The following KMT2A variants were observed in gnomAD, a reference collection of about 807,000 sequenced individuals.
KMT2A encodes histone-lysine N-methyltransferase 2A.
KMT2A carries 16 observed loss-of-function variants against 345.3 expected under a neutral mutation model. The ratio of observed to expected loss-of-function variants is 0.05; its 90% confidence interval spans 0.03 to 0.07. KMT2A has a LOEUF of 0.07. KMT2A is among the 10% of genes least tolerant of loss of function. The pLI is 1.00. For missense variants in KMT2A, 3,272 were observed against 4,841.6 expected, an observed-to-expected ratio of 0.68 and a Z score of 9.62; for synonymous variants, 1,599 against 1,778.6, an observed-to-expected ratio of 0.90 and a Z score of 2.54.
chr11:118,477,145 G>A (rs1326454130), intron 4 of KMT2A, among the ~76,000 whole-genome samples, 163 bp downstream of exon 4: 2 of 152,220 alleles, frequency 1.3e-5, no homozygotes, highest in East Asian at 1.9e-4. Flanking sequence ...AAATGCCTGA[G>A]AAGGAAAACG....
At position 118,481,860 on chromosome 11, in the gene KMT2A, G is replaced by A. The variant is rs782534802; in HGVS notation, c.3780G>A (p.Glu1260=). 1 of 1,614,054 alleles carries A rather than the reference G, an allele frequency of 6.2e-7. No individual in the cohort carries two copies. Among genetic ancestry groups the A allele is most frequent in the African/African-American group, 1.3e-5 (1 of 74,916 alleles). The change falls in exon 7 of 36, where the codon GAG becomes GAA. Residue 1260 remains glutamate (E), a synonymous_variant. Transcript: ENST00000534358. ...CTGCCCCAAAGAAAAGCAGTAGTGA[G>A]CCTCCTCCACGAAAGCCCGTCGAGG... is the stretch of plus-strand genomic sequence containing the variant. The part of the protein sequence containing the change: ...EDPAPKKSSS[E]PPPRKPVEEK...
At position 118,490,084 on chromosome 11, in the gene KMT2A, T is replaced by C. The variant is rs782014615; in HGVS notation, c.4576-45T>C. 18 of 1,577,256 alleles carry C rather than the reference T, an allele frequency of 1.1e-5. No individual in the cohort carries two copies. In the East Asian group the frequency reaches 3.8e-4, roughly 34 times the overall value. ...AGATCTTTTTAGTTAAGTAAAGATA[T>C]TAAAAACAAGAAATTCCTATTGAAT... On this transcript the variant is annotated intron_variant, in intron 12 of 35. Coordinates refer to ENST00000534358, the MANE Select transcript of KMT2A (RefSeq NM_001197104.2). The surrounding 1 kb of genome is among the most constrained non-coding windows in gnomAD (Gnocchi z 4.2).
intron 31 of KMT2A, among the ~76,000 whole-genome samples, chr11:118,515,447 G>A (rs868996101): frequency 2.6e-5 from 4 of 152,186 alleles, no homozygotes; most frequent in East Asian, 3.8e-4. Context: ...AGGGACAGAC[G>A]TGTCAGGATT....
At chr11:118,454,648 C>T (rs1403419852) in intron 1 of KMT2A, among the ~76,000 whole-genome samples, 1 of 152,164 alleles carries the variant, frequency 6.6e-6, no homozygotes, top group South Asian at 2.1e-4. Flanking sequence ...GTCAAAGATA[C>T]GTTTAATACA....
intron 1 of KMT2A, among the ~76,000 whole-genome samples, chr11:118,442,181 T>A (rs1334691944): frequency 6.6e-6 from 1 of 152,230 alleles, no homozygotes; most frequent in African/African-American, 2.4e-5. Flanking sequence ...ATATCTTGTC[T>A]CTTTCCATTC....
At chr11:118,438,917 T>C (rs1949256920) in intron 1 of KMT2A, 1 of 403,636 alleles carries the variant, frequency 2.5e-6, no homozygotes, top group African/African-American at 2.1e-5. Context: ...CACCTCCTTT[T>C]CCCAGCCTTC....
chr11:118,463,785 T>C (rs1391571043), intron 1 of KMT2A, among the ~76,000 whole-genome samples: 1 of 152,128 alleles, frequency 6.6e-6, no homozygotes, highest in Non-Finnish European at 1.5e-5. Flanking sequence ...AAAATACATA[T>C]TATGAAAAAA....
Position 118,499,072 on chromosome 11 carries a change from C to T in KMT2A, c.5962-231C>T, listed in dbSNP as rs567178722. Among the ~76,000 whole-genome samples, 49 of 152,174 alleles carry T rather than the reference C, an allele frequency of 3.2e-4. 1 individual carries two copies. Among genetic ancestry groups the T allele is most frequent in the Admixed American group, 2.0e-3 (31 of 15,286 alleles). ...TATTTAGTTGCTTTTTGAATTATTT[C>T]GAAATGCAAAAGAAAAACAAAAATA... On this transcript the variant is annotated intron_variant, in intron 22 of 35. Coordinates refer to ENST00000534358, the MANE Select transcript of KMT2A (RefSeq NM_001197104.2).
At position 118,467,601 on chromosome 11, in the gene KMT2A, C is replaced by G. The variant is rs551635043; in HGVS notation, c.433-1174C>G. Among the ~76,000 whole-genome samples, 28 of 152,232 alleles carry G rather than the reference C, an allele frequency of 1.8e-4. 1 individual carries two copies. The South Asian group carries it at 3.7e-3, about 20-fold the overall frequency. Reference sequence around the variant, plus strand: ...TTAAGAGATGAACCTGCTAATTTGTCCTAAAAGTTATATATGTCTTTTAAT... The same window carrying G: ...TTAAGAGATGAACCTGCTAATTTGTGCTAAAAGTTATATATGTCTTTTAAT... On this transcript the variant is annotated intron_variant, in intron 1 of 35. Coordinates refer to ENST00000534358, the MANE Select transcript of KMT2A (RefSeq NM_001197104.2).
chr11:118,441,983 A>G (rs545388306), intron 1 of KMT2A, among the ~76,000 whole-genome samples: 1 of 152,286 alleles, frequency 6.6e-6, no homozygotes, highest in Admixed American at 6.5e-5. Flanking sequence ...GGGGGTGGCA[A>G]CAGTGCTTTG....
intron 31 of KMT2A, among the ~76,000 whole-genome samples, chr11:118,518,704 A>G (rs1555052372): frequency 6.8e-6 from 1 of 147,872 alleles, no homozygotes; most frequent in Non-Finnish European, 1.5e-5. Flanking sequence ...AATTGCTTGA[A>G]CCCAGGAGGT....
chr11:118,506,931 T>C (rs1284810991), intron 27 of KMT2A, among the ~76,000 whole-genome samples: 2 of 152,228 alleles, frequency 1.3e-5, no homozygotes, highest in African/African-American at 4.8e-5. Context: ...CTGAGGCTTA[T>C]ACTAGAATGA....
intron 5 of KMT2A, 53 bp from the exon 6 acceptor site, chr11:118,480,121 G>C: frequency 7.1e-7 from 1 of 1,399,734 alleles, no homozygotes. Context: ...ACTTGTTTCA[G>C]TGCTTTTCTT....
At chr11:118,486,003 A>G (rs1032223227) in intron 10 of KMT2A, among the ~76,000 whole-genome samples, 1 of 152,234 alleles carries the variant, frequency 6.6e-6, no homozygotes, top group Non-Finnish European at 1.5e-5. Context: ...GAACGGCATG[A>G]ACCCGGGAGG....
At chr11:118,450,041 C>A (rs868966878) in intron 1 of KMT2A, 30 of 152,174 alleles carry the variant, frequency 2.0e-4, no homozygotes, top group African/African-American at 7.0e-4. Context: ...TCAATCTGGT[C>A]ATTTATGGTA....
intron 10 of KMT2A, among the ~76,000 whole-genome samples, chr11:118,486,464 G>C (rs1950231777): frequency 6.6e-6 from 1 of 151,670 alleles, no homozygotes; most frequent in African/African-American, 2.4e-5. Flanking sequence ...TAAATAGGAA[G>C]CAGTAGTTTG....
Position 118,481,941 on chromosome 11 carries a change from C to A in KMT2A, c.3861C>A (p.Thr1287=), listed in dbSNP as rs186432076. 13 of 1,614,180 alleles carry A rather than the reference C, an allele frequency of 8.1e-6. No individual in the cohort carries two copies. The East Asian group carries it at 2.7e-4, about 33-fold the overall frequency. The change falls in exon 7 of 36, where the codon ACC becomes ACA. Residue 1287 remains threonine, a synonymous_variant. Coordinates refer to ENST00000534358, the MANE Select transcript of KMT2A (RefSeq NM_001197104.2). ...CTGGGCCTGAATCCAAACAGGCCAC[C>A]ACTCCAGCTTCCAGGAAGTCAAGCA... is the stretch of plus-strand genomic sequence containing the variant. ...SAPGPESKQA[T]TPASRKSSKQ... is the part of the protein sequence containing the mutation.
chr11:118,437,596 A>G (rs1347425614), intron 1 of KMT2A, among the ~76,000 whole-genome samples: 9 of 140,188 alleles, frequency 6.4e-5, no homozygotes, highest in African/African-American at 2.1e-4. Context: ...CCACCGGGGA[A>G]AATCTCTCCT....
At chr11:118,475,683 A>C (rs2134278583) in intron 3 of KMT2A, among the ~76,000 whole-genome samples, 1 of 152,252 alleles carries the variant, frequency 6.6e-6, no homozygotes, top group East Asian at 1.9e-4. Context: ...AGATCACGGC[A>C]CTACACTCCA....
Sources: gnomAD v4.1 joint callset for allele counts (sites outside exome capture counted in the v4.1 genomes callset) on GRCh38, gnomAD v4.1.1 for gene constraint, Gnocchi (gnomAD v3.1) non-coding constraint, MANE v1.5 for transcripts, NCBI Gene and HGNC (gene_info 2026-07-23, HGNC 2026-07-21) for gene names.